ZFAND4: variants seen among roughly 807,000 people sequenced by gnomAD.
ZFAND4 encodes the protein AN1-type zinc finger protein 4.
A neutral mutation model predicts 64.4 loss-of-function variants in ZFAND4; 43 were observed. That is an observed-to-expected ratio of 0.67 (90% CI 0.52 to 0.86). The LOEUF (loss-of-function observed/expected upper bound fraction) is 0.86. ZFAND4 is among the 40% of genes least tolerant of loss of function. The probability of loss-of-function intolerance (pLI) is 0.00; values close to 1 mark genes in which losing one functional copy is unlikely to be tolerated. For synonymous variants in ZFAND4, 296 were observed against 305.7 expected, an observed-to-expected ratio of 0.97 and a Z score of 0.33; for missense variants, 929 against 859.8, an observed-to-expected ratio of 1.08 and a Z score of -1.01.
In ZFAND4 at chr10:45,624,567, A is replaced by G. The variant is rs1564552739; in HGVS notation, c.1927+16T>C. The G allele has an allele frequency of 6.2e-7, 1 of 1,612,896 alleles. No individual in the cohort carries two copies. The highest frequency in any genetic ancestry group is 8.5e-7 in the Non-Finnish European group (1 of 1,179,150). ...TTATCAGCCTTGTATTGTTTTCAAA[A>G]TTATCTGTAGCTTACCTACGCTTTT... On this transcript the variant is annotated intron_variant, in intron 8 of 9. Transcript: ENST00000344646.
chr10:45,659,352 G>T (rs946285996), intron 2 of ZFAND4, among the ~76,000 whole-genome samples: 4 of 152,172 alleles, frequency 2.6e-5, no homozygotes, highest in African/African-American at 9.7e-5. Flanking sequence ...GGAAAGAATT[G>T]TAAGACGCAA....
chr10:45,640,566 C>T, intron 5 of ZFAND4: 1 of 466,116 alleles, frequency 2.1e-6, no homozygotes, highest in Non-Finnish European at 3.3e-6. Flanking sequence ...TCTCGGCTCA[C>T]TGCAACCTCT....
At chr10:45,624,703 T>A in intron 7 of ZFAND4, 66 bp from the exon 8 acceptor site, 1 of 1,293,578 alleles carries the variant, frequency 7.7e-7, no homozygotes, top group African/African-American at 1.5e-5. Context: ...TCAACAAACA[T>A]GAAATACTTG....
chr10:45,635,214 C>CAAAAAAAAAAAAAAAAAAAAAAAAAAACA (rs76130878), intron 6 of ZFAND4, among the ~76,000 whole-genome samples: 2 of 68,260 alleles, frequency 2.9e-5, no homozygotes, highest in Non-Finnish European at 5.9e-5. Flanking sequence ...AAAAAAAAAA[C>CAAAAAAAAAAAAAAAAAAAAAAAAAAACA]AAAAAAAAAA....
At position 45,618,181 on chromosome 10, in the gene ZFAND4, A is replaced by G; in HGVS notation, c.2007T>C (p.Leu669=). ...TKKKTTNHCF[L]CGKKTGLASS... ...TAGCCAGTCCTGTTTTCTTTCCACA[A>G]AGAAAACAATGATTTGTTGTTTTCT... The change falls in exon 9 of 10, where the codon CTT becomes CTC. Residue 669 remains leucine, a synonymous_variant. Coordinates refer to ENST00000344646, the MANE Select transcript of ZFAND4 (RefSeq NM_174890.4). 1.2e-6 allele frequency: 2 copies of G among 1,613,612 alleles called. No homozygotes were observed. Among genetic ancestry groups the G allele is most frequent in the Non-Finnish European group, 1.7e-6 (2 of 1,179,886 alleles).
At chr10:45,670,938 A>G (rs1339517282) in intron 1 of ZFAND4, among the ~76,000 whole-genome samples, 1 of 152,226 alleles carries the variant, frequency 6.6e-6, no homozygotes, top group Non-Finnish European at 1.5e-5. Context: ...TACCCATCTG[A>G]CAGAGGGCTA....
chr10:45,626,396 C>G lies in ZFAND4; in HGVS notation c.1427G>C (p.Arg476Pro), dbSNP rs770140461. The G allele has an allele frequency of 6.2e-7, 1 of 1,614,050 alleles. No individual in the cohort carries two copies. Among genetic ancestry groups the G allele is most frequent in the East Asian group, 2.2e-5 (1 of 44,872 alleles). ...PHKNRLLSPLRCSAPMSLHNS... is the reference protein window; with the variant it reads ...PHKNRLLSPLPCSAPMSLHNS... ...ATGTAGCGACATTGGTGCAGAACAG[C>G]GAAGAGGTGACAAGAGTCTATTCTT... The change falls in exon 7 of 10, where the codon CGC (arginine) becomes CCC (proline). Residue 476 changes from arginine (R) to proline (P), a missense_variant. Arg to Pro is a moderately radical substitution (Grantham distance 103). Coordinates refer to ENST00000344646, the MANE Select transcript of ZFAND4 (RefSeq NM_174890.4).
intron 6 of ZFAND4, 25 bp downstream of exon 6, chr10:45,639,791 C>G: frequency 1.3e-6 from 2 of 1,594,550 alleles, no homozygotes; most frequent in Non-Finnish European, 1.7e-6. Flanking sequence ...TAGAGATAAG[C>G]CTGGTCAAAT....
chr10:45,626,169 T>C lies in ZFAND4; in HGVS notation c.1654A>G (p.Met552Val). Residue 552 changes from methionine to valine, a missense_variant, in exon 7 of 10, where the codon ATG becomes GTG. Transcript: ENST00000344646. Reference protein sequence around the residue: ...SKVEARDITEMTNKASKEPVG... With the variant: ...SKVEARDITEVTNKASKEPVG... ...GGCTCTTTGGAAGCCTTGTTAGTCA[T>C]TTCTGTGATATCCCGAGCCTCAACT... is the stretch of plus-strand genomic sequence containing the variant. 1 of 1,614,166 alleles carries C rather than the reference T, an allele frequency of 6.2e-7. No individual in the cohort carries two copies. The highest frequency in any genetic ancestry group is 8.5e-7 in the Non-Finnish European group (1 of 1,180,044).
intron 2 of ZFAND4, 123 bp from the exon 3 acceptor site, chr10:45,653,182 G>T (rs912895501): frequency 8.6e-6 from 6 of 694,658 alleles, no homozygotes; most frequent in Admixed American, 5.9e-5. Context: ...CTTCTAAATT[G>T]AATGCTAGGT....
At chr10:45,641,802 T>TA (rs1318232946) in intron 5 of ZFAND4, among the ~76,000 whole-genome samples, 1 of 152,234 alleles carries the variant, frequency 6.6e-6, no homozygotes, top group East Asian at 1.9e-4. Flanking sequence ...GTAGATATTA[T>TA]AGCTGATTTT....
chr10:45,628,672 T>C (rs901762104), intron 6 of ZFAND4, among the ~76,000 whole-genome samples: 1 of 152,052 alleles, frequency 6.6e-6, no homozygotes, highest in Non-Finnish European at 1.5e-5. Flanking sequence ...TTCTGGGCTG[T>C]TGAAATTAAT....
At chr10:45,667,381 A>T (rs1402841616) in intron 1 of ZFAND4, among the ~76,000 whole-genome samples, 2 of 151,822 alleles carry the variant, frequency 1.3e-5, no homozygotes, top group East Asian at 3.9e-4. Flanking sequence ...CTCTCTATAA[A>T]AGCTCTATAT....
Position 45,616,151 on chromosome 10 carries a change from C to A in ZFAND4, c.*285G>T. The A allele has an allele frequency of 3.2e-6, 1 of 311,992 alleles. No individual in the cohort carries two copies. The highest frequency in any genetic ancestry group is 5.9e-6 in the Non-Finnish European group (1 of 169,736). The allele number at this position is 311,992 out of a possible 1,614,324, so 19.3% of individuals were successfully genotyped here. On this transcript the variant is annotated 3_prime_UTR_variant, in exon 10 of 10. Transcript: ENST00000344646. ...TAAAGTGCATCTTTTGAAGATTTGC[C>A]TAGTAAAACTGCAATATCATATACA...
chr10:45,626,444 T>C lies in ZFAND4; in HGVS notation c.1379A>G (p.Asn460Ser). 1.4e-5 allele frequency: 22 copies of C among 1,613,744 alleles called. No individual in the cohort carries two copies. Among genetic ancestry groups the C allele is most frequent in the Non-Finnish European group, 1.9e-5 (22 of 1,180,020 alleles). Residue 460 changes from asparagine (N) to serine (S), a missense_variant, in exon 7 of 10, where the codon AAC becomes AGC. By Grantham distance (46) the Asn-to-Ser change is conservative. Transcript: ENST00000344646. ...NGESVETSVL[N>S]YRELSPHKNR... ...CTTGTGAGGACTTAATTCCCGGTAG[T>C]TAAGAACTGAAGTCTCTACTGATTC... is the stretch of plus-strand genomic sequence containing the variant.
Position 45,633,395 on chromosome 10 carries a change from A to G in ZFAND4, c.718-6290T>C, listed in dbSNP as rs961997884. 3.9e-5 allele frequency among the ~76,000 whole-genome samples: 6 copies of G among 152,146 alleles called. No individual in the cohort carries two copies. The South Asian group carries it at 1.2e-3, about 32-fold the overall frequency. ...AATATTCTCTGAGTTCCATGCAATA[A>G]AACTAGAAATTAAAAACAATGAAAA... is the stretch of plus-strand genomic sequence containing the variant. On this transcript the variant is annotated intron_variant, in intron 6 of 9. Coordinates refer to ENST00000344646, the MANE Select transcript of ZFAND4 (RefSeq NM_174890.4).
intron 6 of ZFAND4, among the ~76,000 whole-genome samples, chr10:45,635,195 C>CAAAAAAAAAAAAAAAAAAAAAAAAAAA (rs1173808756): frequency 1.3e-3 from 37 of 27,610 alleles, no homozygotes; most frequent in Admixed American, 1.4e-3. Flanking sequence ...GCCATCTAAG[C>CAAAAAAAAAAAAAAAAAAAAAAAAAAA]AAAAAAAAAA....
At chr10:45,624,555 A>G (rs41301627) in intron 8 of ZFAND4, 28 bp downstream of exon 8, 64,051 of 1,607,124 alleles carry the variant, frequency 0.04, 1,549 homozygotes, top group Middle Eastern at 0.1. Context: ...TCAGCCTTGT[A>G]TTGTTTTCAA....
In ZFAND4 at chr10:45,648,871, T is replaced by C. The variant is rs569750446; in HGVS notation, c.329-337A>G. On this transcript the variant is annotated intron_variant, in intron 4 of 9. Coordinates refer to ENST00000344646, the MANE Select transcript of ZFAND4 (RefSeq NM_174890.4). ...GTATTTGCTGATTCTATGATATTAC[T>C]ATCAATAATTTTTTTACTATATACT... 4.5e-4 allele frequency: 390 copies of C among 864,872 alleles called. 2 individuals carry two copies. In the African/African-American group the frequency reaches 6.4e-3, roughly 14 times the overall value. The allele number at this position is 864,872 out of a possible 1,614,324, so 53.6% of individuals were successfully genotyped here. A position where few individuals can be genotyped will look rare whatever the true frequency, so the allele number is the denominator to read the frequency against.
Sources: allele counts gnomAD v4.1 joint callset (sites outside exome capture counted in the v4.1 genomes callset), GRCh38; gene constraint gnomAD v4.1.1; transcripts MANE v1.5; gene names NCBI Gene and HGNC (gene_info 2026-07-23, HGNC 2026-07-21).